BPIFC: variants seen among roughly 807,000 people sequenced by gnomAD.
BPIFC encodes the protein BPI fold containing family C.
Under a neutral mutation model 57.6 loss-of-function variants are expected in BPIFC, and 60 were observed. The ratio of observed to expected loss-of-function variants is 1.04; its 90% confidence interval spans 0.85 to 1.29. The LOEUF is 1.29. BPIFC is among the 50% of genes most tolerant of loss of function. The pLI, the probability that BPIFC is intolerant of heterozygous loss-of-function variation, is 0.00. For synonymous variants in BPIFC, 243 were observed against 224.5 expected (o/e 1.08, Z -0.74); for missense variants, 581 against 600.5 (o/e 0.97, Z 0.34).
At chr22:32,438,738 CAT>C (rs976521010) in intron 8 of BPIFC, among the ~76,000 whole-genome samples, 7 of 151,982 alleles carry the variant, frequency 4.6e-5, no homozygotes, top group Non-Finnish European at 1.0e-4. Context: ...ACACAAAACT[CAT>C]ATCAATATTT....
At chr22:32,443,071 C>G (rs1934610161) in intron 7 of BPIFC, among the ~76,000 whole-genome samples, 1 of 151,926 alleles carries the variant, frequency 6.6e-6, no homozygotes, top group Admixed American at 6.6e-5. Flanking sequence ...GCTGGAGCTG[C>G]TGTATCTTTC....
chr22:32,437,517 A>G (rs1417366076), intron 9 of BPIFC, among the ~76,000 whole-genome samples: 3 of 152,000 alleles, frequency 2.0e-5, no homozygotes, highest in Admixed American at 2.0e-4. Flanking sequence ...CAGCTTCCCA[A>G]ACAGCTGGGA....
chr22:32,449,804 G>T (rs1184773617), intron 4 of BPIFC, among the ~76,000 whole-genome samples: 1 of 150,570 alleles, frequency 6.6e-6, no homozygotes, highest in Non-Finnish European at 1.5e-5. Flanking sequence ...GCATGATCTC[G>T]GCTCACTACA....
chr22:32,421,080 C>G (rs1402947388), intron 13 of BPIFC, among the ~76,000 whole-genome samples: 2 of 152,128 alleles, frequency 1.3e-5, no homozygotes, highest in African/African-American at 2.4e-5. Context: ...AGAAGGGAGT[C>G]CTCCTCCCTG....
chr22:32,431,586 T>C (rs574069852), intron 12 of BPIFC, among the ~76,000 whole-genome samples, 172 bp from the exon 13 acceptor site: 1 of 152,230 alleles, frequency 6.6e-6, no homozygotes, highest in South Asian at 2.1e-4. Flanking sequence ...GTCTTGTAGT[T>C]AGGGAAGCTA....
At position 32,457,242 on chromosome 22, in the gene BPIFC, T is replaced by C. The variant is rs146171836; in HGVS notation, c.124+21A>G. ...CCACCTAGTGGGCCTGAGGTCTGGC[T>C]TCTGAAAACATCCAACTCACCATAG... On this transcript the variant is annotated intron_variant, in intron 3 of 16. Transcript: ENST00000300399. The C allele has an allele frequency of 7.2e-4, 1,146 of 1,586,060 alleles. 12 individuals are homozygous for C. The Middle Eastern group carries it at 0.01, about 14-fold the overall frequency.
chr22:32,445,692 C>T lies in BPIFC; in HGVS notation c.537G>A (p.Leu179=), dbSNP rs1399608110. The change falls in exon 7 of 17, where the codon CTG becomes CTA. Residue 179 remains leucine, a synonymous_variant. Coordinates refer to ENST00000300399, the MANE Select transcript of BPIFC (RefSeq NM_174932.3). The part of the protein sequence containing the change: ...HVSFSGELSV[L]YNSFAEPMEK... ...CCATGGGCTCAGCAAAGGAGTTATA[C>T]AGAACACTGAGGAAAAAAATGAAAA... 1.0e-5 allele frequency: 6 copies of T among 581,756 alleles called. No homozygotes were observed. The highest frequency in any genetic ancestry group is 1.6e-5 in the Non-Finnish European group (6 of 367,086). The allele number at this position is 581,756 out of a possible 1,614,324, so 36.0% of individuals were successfully genotyped here.
At chr22:32,462,810 C>G (rs778364977) in intron 1 of BPIFC, among the ~76,000 whole-genome samples, 1 of 152,144 alleles carries the variant, frequency 6.6e-6, no homozygotes, top group Non-Finnish European at 1.5e-5. Context: ...TTGCTTGACA[C>G]CATTTTCCTT....
At chr22:32,437,053 C>T (rs919751081) in intron 9 of BPIFC, among the ~76,000 whole-genome samples, 1 of 152,154 alleles carries the variant, frequency 6.6e-6, no homozygotes, top group African/African-American at 2.4e-5. Context: ...AGGTCAGCAG[C>T]CCTCAGTTAA....
rs369705289 is a variant in BPIFC at position 32,452,413 on chromosome 22, G to C, written c.245+970C>G. On this transcript the variant is annotated intron_variant, in intron 4 of 16. Coordinates refer to ENST00000300399, the MANE Select transcript of BPIFC (RefSeq NM_174932.3). ...GCACTTTGGGAGGCCAAAGGCGGCC[G>C]ATCACTAGGTCAGGAGATCGAGACC... Among the ~76,000 whole-genome samples the C allele has an allele frequency of 3.4e-4, 51 of 152,144 alleles. 1 individual carries two copies. In the South Asian group the frequency reaches 0.011, roughly 32 times the overall value.
intron 7 of BPIFC, among the ~76,000 whole-genome samples, chr22:32,443,038 C>T (rs1463282642): frequency 6.6e-6 from 1 of 152,182 alleles, no homozygotes; most frequent in Admixed American, 6.5e-5. Context: ...CCAGTCCATG[C>T]TGTTATACCC....
chr22:32,447,088 T>G, intron 5 of BPIFC, 124 bp downstream of exon 5: 19 of 1,322,124 alleles, frequency 1.4e-5, no homozygotes, highest in Non-Finnish European at 1.7e-5. Flanking sequence ...AAAATGCTTT[T>G]GAGAAAGATT....
chr22:32,436,839 C>T (rs1288995521), intron 9 of BPIFC, among the ~76,000 whole-genome samples: 1 of 152,178 alleles, frequency 6.6e-6, no homozygotes, highest in Non-Finnish European at 1.5e-5. Context: ...TCTAGCACTG[C>T]TCTCATTAGC....
At chr22:32,420,343 C>T in intron 13 of BPIFC, among the ~76,000 whole-genome samples, 1 of 149,684 alleles carries the variant, frequency 6.7e-6, no homozygotes, top group East Asian at 2.0e-4. Context: ...AAATAGTTTT[C>T]AGGTTTCTGG....
In BPIFC at chr22:32,416,205, G is replaced by A. The variant is rs541824594; in HGVS notation, c.1325-214C>T. ...GGTGATTCTCCTGCCTCAGCCTCCC[G>A]AGTAGCTGAGATTACAGATGCCCAC... On this transcript the variant is annotated intron_variant, in intron 15 of 16. Coordinates refer to ENST00000300399, the MANE Select transcript of BPIFC (RefSeq NM_174932.3). Among the ~76,000 whole-genome samples, 17 of 151,330 alleles carry A rather than the reference G, an allele frequency of 1.1e-4. No homozygotes were observed. The East Asian group carries it at 1.6e-3, about 14-fold the overall frequency.
intron 12 of BPIFC, among the ~76,000 whole-genome samples, chr22:32,431,830 G>A (rs1386373299): frequency 2.6e-5 from 4 of 152,126 alleles, no homozygotes; most frequent in Non-Finnish European, 5.9e-5. Context: ...CCATGTAACT[G>A]AGGTAGGTGG....
intron 1 of BPIFC, among the ~76,000 whole-genome samples, chr22:32,463,838 G>A (rs1339283758): frequency 6.6e-6 from 1 of 152,146 alleles, no homozygotes; most frequent in African/African-American, 2.4e-5. Flanking sequence ...TTCATAGCAT[G>A]TCTTTTCCCC....
At chr22:32,420,471 C>A (rs61112224) in intron 13 of BPIFC, among the ~76,000 whole-genome samples, 16,801 of 152,174 alleles carry the variant, frequency 0.11, 922 homozygotes, top group South Asian at 0.12. Context: ...TCACTCACAC[C>A]ATTTTTTTAG....
At chr22:32,428,835 G>A (rs533845130) in intron 13 of BPIFC, among the ~76,000 whole-genome samples, 3 of 152,046 alleles carry the variant, frequency 2.0e-5, no homozygotes, top group Non-Finnish European at 4.4e-5. Context: ...GGAGGCGGAG[G>A]TTGTAGTGAG....
Sources: gnomAD v4.1 joint callset for allele counts (sites outside exome capture counted in the v4.1 genomes callset) on GRCh38, gnomAD v4.1.1 for gene constraint, MANE v1.5 for transcripts, NCBI Gene and HGNC (gene_info 2026-07-23, HGNC 2026-07-21) for gene names.